PTPRD: variants seen among roughly 807,000 people sequenced by gnomAD.
PTPRD encodes the protein protein tyrosine phosphatase receptor type D.
A neutral mutation model predicts 214.5 loss-of-function variants in PTPRD; 34 were observed. The observed-to-expected ratio is 0.16, with a 90% CI of 0.12 to 0.21. PTPRD has a LOEUF of 0.21. Ranked by LOEUF, PTPRD falls within the 10% of genes least tolerant of loss-of-function variation. The pLI is 1.00. For synonymous variants in PTPRD, 1,128 were observed against 845.7 expected, an observed-to-expected ratio of 1.33 and a Z score of -5.79; for missense variants, 2,545 against 2,398.7, an observed-to-expected ratio of 1.06 and a Z score of -1.27.
chr9:8,639,076 C>G (rs184459460), intron 12 of PTPRD, among the ~76,000 whole-genome samples: 1 of 152,072 alleles, frequency 6.6e-6, no homozygotes, highest in Non-Finnish European at 1.5e-5. Flanking sequence ...CTCGTCACCT[C>G]GTGATCCACC....
intron 44 of PTPRD, among the ~76,000 whole-genome samples, chr9:8,325,920 G>T (rs935011840): frequency 6.6e-6 from 1 of 152,142 alleles, no homozygotes; most frequent in Non-Finnish European, 1.5e-5. Flanking sequence ...CATTGATTTT[G>T]TATCCTGAGA....
intron 3 of PTPRD, among the ~76,000 whole-genome samples, chr9:10,259,275 C>G (rs765476272): frequency 6.6e-6 from 1 of 152,296 alleles, no homozygotes; most frequent in East Asian, 1.9e-4. Context: ...CAGCCCGCCT[C>G]GGCCTCCCAA....
intron 5 of PTPRD, among the ~76,000 whole-genome samples, chr9:9,936,102 T>G (rs1228167663): frequency 6.8e-6 from 1 of 146,226 alleles, no homozygotes; most frequent in African/African-American, 2.8e-5. Flanking sequence ...GACTTAAACG[T>G]TCGACCTAAA....
At chr9:9,790,379 C>T (rs2761733) in intron 5 of PTPRD, among the ~76,000 whole-genome samples, 1 of 152,068 alleles carries the variant, frequency 6.6e-6, no homozygotes, top group Non-Finnish European at 1.5e-5. Context: ...CACTGTGTCA[C>T]CAGTTGGTTT....
chr9:9,850,291 C>T (rs1015130242), intron 5 of PTPRD, among the ~76,000 whole-genome samples: 5 of 152,104 alleles, frequency 3.3e-5, no homozygotes, highest in South Asian at 2.1e-4. Flanking sequence ...AGAAGTCATG[C>T]TGGAGACAGG....
intron 3 of PTPRD, among the ~76,000 whole-genome samples, chr9:10,144,594 A>T (rs375164930): frequency 1.6e-4 from 24 of 152,276 alleles, no homozygotes; most frequent in East Asian, 9.6e-4. Flanking sequence ...TGGAGATGTC[A>T]GCATCATCTA....
At chr9:8,799,222 T>G (rs1435659433) in intron 11 of PTPRD, among the ~76,000 whole-genome samples, 1 of 152,208 alleles carries the variant, frequency 6.6e-6, no homozygotes, top group African/African-American at 2.4e-5. Context: ...TCACCAGTAG[T>G]CTGGTAGCAA....
chr9:9,672,063 G>T (rs1241774554), intron 7 of PTPRD, among the ~76,000 whole-genome samples: 1 of 152,148 alleles, frequency 6.6e-6, no homozygotes, highest in Non-Finnish European at 1.5e-5. Context: ...CACTGTATCT[G>T]CTGTGAGAAA....
chr9:9,738,368 T>C (rs2098337415), intron 6 of PTPRD, among the ~76,000 whole-genome samples: 1 of 152,030 alleles, frequency 6.6e-6, no homozygotes, highest in Non-Finnish European at 1.5e-5. Flanking sequence ...TTGAACATTT[T>C]TTTCATATGG....
chr9:8,449,773 G>A lies in PTPRD; in HGVS notation c.3940C>T (p.His1314Tyr). The A allele has an allele frequency of 6.2e-7, 1 of 1,614,076 alleles. No homozygotes were observed. Among genetic ancestry groups the A allele is most frequent in the Non-Finnish European group, 8.5e-7 (1 of 1,179,970 alleles). Residue 1314 changes from histidine to tyrosine, a missense_variant, in exon 34 of 46, where the codon CAC becomes TAC. Physicochemically the swap from His to Tyr is moderately conservative, Grantham distance 83 (BLOSUM62 2). Coordinates refer to ENST00000381196, the MANE Select transcript of PTPRD (RefSeq NM_002839.4). ...CTCAGTTCTACAGGGTCTGTTGGGT[G>A]GTGTGAAGGGATCTCCTTATTGTTC... ...IPNNKEIPSH[H>Y]PTDPVELRRL...
At chr9:10,275,258 T>C (rs2094613926) in intron 3 of PTPRD, among the ~76,000 whole-genome samples, 1 of 152,192 alleles carries the variant, frequency 6.6e-6, no homozygotes, top group Admixed American at 6.5e-5. Flanking sequence ...AGAAGTTTCT[T>C]AAGTAAAGGA....
At chr9:9,304,319 A>T (rs996596006) in intron 9 of PTPRD, among the ~76,000 whole-genome samples, 17 of 152,162 alleles carry the variant, frequency 1.1e-4, no homozygotes, top group African/African-American at 4.1e-4. Context: ...GAGTAAAGTG[A>T]TCATGATAAT....
chr9:9,433,456 A>G (rs185688397), intron 8 of PTPRD, among the ~76,000 whole-genome samples: 4 of 152,318 alleles, frequency 2.6e-5, no homozygotes, highest in South Asian at 2.1e-4. Flanking sequence ...TCACTTATTC[A>G]ATGCAATCAA....
At chr9:9,673,911 C>T (rs2821476) in intron 7 of PTPRD, among the ~76,000 whole-genome samples, 72,058 of 151,294 alleles carry the variant, frequency 0.48, 17,752 homozygotes, top group African/African-American at 0.54. Flanking sequence ...GAAGTAACTC[C>T]CAATATAGAA....
intron 5 of PTPRD, among the ~76,000 whole-genome samples, chr9:9,853,158 C>CTA (rs1161771285): frequency 1.3e-5 from 2 of 152,142 alleles, no homozygotes; most frequent in Non-Finnish European, 2.9e-5. Context: ...TGTAAAGGGG[C>CTA]AGATAGTAAA....
intron 5 of PTPRD, among the ~76,000 whole-genome samples, chr9:9,805,896 G>C (rs2099070105): frequency 6.6e-6 from 1 of 151,970 alleles, no homozygotes; most frequent in Non-Finnish European, 1.5e-5. Context: ...AAGAAGAAAA[G>C]GCACAAAGTA....
At chr9:8,671,854 T>C (rs1226809909) in intron 12 of PTPRD, among the ~76,000 whole-genome samples, 1 of 152,156 alleles carries the variant, frequency 6.6e-6, no homozygotes, top group Non-Finnish European at 1.5e-5. Flanking sequence ...CTTTGCACTA[T>C]TTGTCCTGAA....
chr9:10,542,648 A>C (rs2059368476), intron 2 of PTPRD, among the ~76,000 whole-genome samples: 1 of 152,110 alleles, frequency 6.6e-6, no homozygotes, highest in South Asian at 2.1e-4. Context: ...TATTGGTAAC[A>C]CATATATTCA....
intron 3 of PTPRD, among the ~76,000 whole-genome samples, chr9:10,226,312 T>C (rs182390261): frequency 3.9e-5 from 6 of 152,180 alleles, no homozygotes; most frequent in Admixed American, 6.6e-5. Flanking sequence ...GTGGAGCTCA[T>C]GTCCATGCCT....
Sources: allele counts gnomAD v4.1 joint callset (sites outside exome capture counted in the v4.1 genomes callset), GRCh38; gene constraint gnomAD v4.1.1; transcripts MANE v1.5; gene names NCBI Gene and HGNC (gene_info 2026-07-23, HGNC 2026-07-21).